The following QDPR variants were observed in gnomAD, a reference collection of about 807,000 sequenced individuals.
QDPR encodes quinoid dihydropteridine reductase.
QDPR carries 23 observed loss-of-function variants against 31.7 expected under a neutral mutation model. The observed-to-expected ratio is 0.73, with a 90% confidence interval of 0.52 to 1.03. The LOEUF (loss-of-function observed/expected upper bound fraction) is 1.03. QDPR is among the 50% of genes least tolerant of loss of function. The pLI, the probability that QDPR is intolerant of heterozygous loss-of-function variation, is 0.00. For synonymous variants in QDPR, 124 were observed against 124.7 expected, an observed-to-expected ratio of 0.99 and a Z score of 0.03; for missense variants, 324 against 323.8, an observed-to-expected ratio of 1.00 and a Z score of 0.00.
At position 17,489,296 on chromosome 4, in the gene QDPR, G is replaced by A. The variant is rs565865742; in HGVS notation, c.629+1366C>T. Among the ~76,000 whole-genome samples, 195 of 152,302 alleles carry A rather than the reference G, an allele frequency of 1.3e-3. 1 individual carries two copies. Among genetic ancestry groups the A allele is most frequent in the African/African-American group, 4.5e-3 (185 of 41,570 alleles). Reference sequence around the variant, plus strand: ...AACAAAAGGGGGCCTGTGACAGCCCGTCCTCTGTGGGTCTGTGGCTCAGCA... The same window carrying A: ...AACAAAAGGGGGCCTGTGACAGCCCATCCTCTGTGGGTCTGTGGCTCAGCA... On this transcript the variant is annotated intron_variant, in intron 6 of 6. Transcript: ENST00000281243.
intron 1 of QDPR, among the ~76,000 whole-genome samples, chr4:17,509,570 T>A (rs1019277127): frequency 6.6e-6 from 1 of 151,976 alleles, no homozygotes; most frequent in African/African-American, 2.4e-5. Flanking sequence ...TACAAAAAAA[T>A]TTTAAAATTA....
chr4:17,494,465 T>A (rs1162903442), intron 4 of QDPR, among the ~76,000 whole-genome samples: 1 of 152,144 alleles, frequency 6.6e-6, no homozygotes, highest in African/African-American at 2.4e-5. Context: ...ACTCACTGCA[T>A]CTGTGCCACT....
chr4:17,498,271 C>A (rs1412361303), intron 4 of QDPR, among the ~76,000 whole-genome samples: 4 of 152,192 alleles, frequency 2.6e-5, no homozygotes, highest in South Asian at 2.1e-4. Flanking sequence ...ACTGCTTCAA[C>A]AACTACCTCA....
chr4:17,509,002 C>CA lies in QDPR; in HGVS notation c.198+268dup, dbSNP rs552527029. On this transcript the variant is annotated intron_variant, in intron 2 of 6. Coordinates refer to ENST00000281243, the MANE Select transcript of QDPR (RefSeq NM_000320.3). ...TGAAACCCCGTCTCTACTGAAAATA[C>CA]AAAAAATTAGCTGGGGGTGGTGGCA... Among the ~76,000 whole-genome samples the CA allele has an allele frequency of 7.9e-4, 120 of 152,068 alleles. 1 individual carries two copies. In the East Asian group the frequency reaches 0.012, roughly 15 times the overall value.
chr4:17,489,902 C>A (rs550723729), intron 6 of QDPR: 1 of 153,918 alleles, frequency 6.5e-6, no homozygotes, highest in African/African-American at 2.4e-5. Flanking sequence ...CAGGCTGTCA[C>A]CTTGACCCTC....
chr4:17,502,445 G>A (rs1377509899), intron 3 of QDPR, among the ~76,000 whole-genome samples: 1 of 152,128 alleles, frequency 6.6e-6, no homozygotes, highest in Non-Finnish European at 1.5e-5. Context: ...CAACTCGAAG[G>A]GCATGTGGTA....
chr4:17,495,582 G>A (rs568099012), intron 4 of QDPR, among the ~76,000 whole-genome samples: 41 of 152,258 alleles, frequency 2.7e-4, no homozygotes, highest in African/African-American at 9.4e-4. Context: ...TCCTGAAAAC[G>A]ACATGAAACG....
At chr4:17,491,538 T>TTC (rs771931627) in intron 5 of QDPR, among the ~76,000 whole-genome samples, 30 of 152,052 alleles carry the variant, frequency 2.0e-4, no homozygotes, top group African/African-American at 6.8e-4. Context: ...GTTTCCCATA[T>TTC]TCTCTCTCTC....
intron 1 of QDPR, among the ~76,000 whole-genome samples, chr4:17,511,625 T>G (rs534349037): frequency 2.6e-4 from 39 of 152,230 alleles, no homozygotes; most frequent in Admixed American, 5.2e-4. Flanking sequence ...AGAGCCTTCC[T>G]TCTACACTCT....
chr4:17,505,233 C>T lies in QDPR; in HGVS notation c.199-758G>A, dbSNP rs867656255. Among the ~76,000 whole-genome samples the T allele has an allele frequency of 7.6e-3, 1,094 of 143,324 alleles. 8 individuals are homozygous for T. Among genetic ancestry groups the T allele is most frequent in the African/African-American group, 0.026 (1,010 of 39,482 alleles). 94.0% of individuals were successfully genotyped at this position (143,324 alleles called of 152,430 possible). On this transcript the variant is annotated intron_variant, in intron 2 of 6. Coordinates refer to ENST00000281243, the MANE Select transcript of QDPR (RefSeq NM_000320.3). ...CAATTGCTTCATTAAGATCAATCTT[C>T]TTAAGATTTCTTTTTTTTTTTTTTT...
intron 6 of QDPR, among the ~76,000 whole-genome samples, chr4:17,488,418 C>T (rs548006558): frequency 3.3e-5 from 5 of 151,924 alleles, no homozygotes; most frequent in African/African-American, 4.8e-5. Flanking sequence ...TTATAGAGTA[C>T]CCACAGCTGC....
At chr4:17,500,953 A>G (rs1718540919) in intron 4 of QDPR, among the ~76,000 whole-genome samples, 1 of 152,252 alleles carries the variant, frequency 6.6e-6, no homozygotes, top group African/African-American at 2.4e-5. Context: ...AAGAGTGACT[A>G]TAAGACCTAC....
intron 3 of QDPR, among the ~76,000 whole-genome samples, chr4:17,503,923 C>G (rs10050325): frequency 0.036 from 5,529 of 151,716 alleles, 353 homozygotes; most frequent in African/African-American, 0.13. Flanking sequence ...TGCACTCCAG[C>G]CTGGTGACAG....
chr4:17,496,468 A>AAAAAAAAAAAAAAAC (rs1718361472), intron 4 of QDPR, among the ~76,000 whole-genome samples: 1 of 141,736 alleles, frequency 7.1e-6, no homozygotes, highest in Non-Finnish European at 1.6e-5. Flanking sequence ...AAAAAAAAAA[A>AAAAAAAAAAAAAAAC]AAAAGAACAA....
At chr4:17,507,790 G>A (rs1488480166) in intron 2 of QDPR, among the ~76,000 whole-genome samples, 1 of 152,010 alleles carries the variant, frequency 6.6e-6, no homozygotes, top group African/African-American at 2.4e-5. Context: ...TTTTAGTAGA[G>A]ACGGGGTTTC....
intron 2 of QDPR, among the ~76,000 whole-genome samples, chr4:17,506,604 C>T (rs150276571): frequency 6.6e-6 from 1 of 152,184 alleles, no homozygotes; most frequent in South Asian, 2.1e-4. Context: ...GCCTCAGTTA[C>T]CCCCATTTAA....
At chr4:17,499,645 C>T (rs540787692) in intron 4 of QDPR, among the ~76,000 whole-genome samples, 3 of 149,632 alleles carry the variant, frequency 2.0e-5, no homozygotes, top group South Asian at 2.1e-4. Flanking sequence ...AGGGGCCTGG[C>T]GTAGTGGCTC....
chr4:17,492,891 T>C (rs1718219123), intron 4 of QDPR, among the ~76,000 whole-genome samples: 1 of 152,152 alleles, frequency 6.6e-6, no homozygotes, highest in South Asian at 2.1e-4. Flanking sequence ...TTTTGATCAC[T>C]AAATGCTTGT....
intron 3 of QDPR, among the ~76,000 whole-genome samples, chr4:17,502,323 C>G (rs1718599752): frequency 6.6e-6 from 1 of 152,176 alleles, no homozygotes; most frequent in South Asian, 2.1e-4. Context: ...GCTTTAAAGA[C>G]TCTTCAAAAG....
Sources: allele counts gnomAD v4.1 joint callset (sites outside exome capture counted in the v4.1 genomes callset), GRCh38; gene constraint gnomAD v4.1.1; transcripts MANE v1.5; gene names NCBI Gene and HGNC (gene_info 2026-07-23, HGNC 2026-07-21).